PLS1: variants seen among roughly 807,000 people sequenced by gnomAD.
The protein encoded by PLS1 is plastin-1.
In PLS1, 32 loss-of-function variants were observed where a neutral mutation model predicts 73.7. The observed-to-expected ratio is 0.43, with a 90% CI of 0.33 to 0.58. The LOEUF is 0.58. PLS1 is among the 20% of genes least tolerant of loss of function. The probability of loss-of-function intolerance (pLI) is 0.04; values close to 1 mark genes in which losing one functional copy is unlikely to be tolerated. For missense variants in PLS1, 633 were observed against 740.5 expected, an observed-to-expected ratio of 0.85 and a Z score of 1.68; for synonymous variants, 217 against 261.3, an observed-to-expected ratio of 0.83 and a Z score of 1.63.
In PLS1 at chr3:142,675,446, G is replaced by C. The variant is rs868362901; in HGVS notation, c.365-711G>C. On this transcript the variant is annotated intron_variant, in intron 4 of 15. Transcript: ENST00000457734. ...TCACCAGGCTGGAGTGCAGTGGCGC[G>C]ATCTCGGTTCACTGCAAGCTCTGCC... Among the ~76,000 whole-genome samples, 77 of 151,996 alleles carry C rather than the reference G, an allele frequency of 5.1e-4. 1 individual carries two copies. Among genetic ancestry groups the C allele is most frequent in the Admixed American group, 2.1e-3 (32 of 15,268 alleles).
chr3:142,620,711 A>G (rs566076820), intron 1 of PLS1, among the ~76,000 whole-genome samples: 39 of 152,298 alleles, frequency 2.6e-4, no homozygotes, highest in South Asian at 1.0e-3. Context: ...TCAAATATTC[A>G]TAGGCTGTTA....
At chr3:142,600,903 TATATATATATATA>T (rs1462397413) in intron 1 of PLS1, among the ~76,000 whole-genome samples, 26 of 32,570 alleles carry the variant, frequency 8.0e-4, no homozygotes, top group Admixed American at 1.6e-3. Context: ...TATATATATA[TATATATATATATA>T]TTTTTTTTTT....
rs1933217993 is a variant in PLS1, at chr3:142,713,292, C to G, written c.*1285C>G. 1 of 152,554 alleles carries G rather than the reference C, an allele frequency of 6.6e-6. No individual in the cohort carries two copies. Among genetic ancestry groups the G allele is most frequent in the Non-Finnish European group, 1.5e-5 (1 of 67,996 alleles). 9.5% of individuals were successfully genotyped at this position (152,554 alleles called of 1,614,324 possible). A position where few individuals can be genotyped will look rare whatever the true frequency, so the allele number is the denominator to read the frequency against. ...GCCAGTGAGCAATACTGTTGTGCAACAAAAATGTCACTTTATCTCAGTGTG... is the reference window on the plus strand; with the variant it reads ...GCCAGTGAGCAATACTGTTGTGCAAGAAAAATGTCACTTTATCTCAGTGTG... On this transcript the variant is annotated 3_prime_UTR_variant, in exon 16 of 16. Coordinates refer to ENST00000457734, the MANE Select transcript of PLS1 (RefSeq NM_001145319.2).
At chr3:142,631,594 G>A (rs112736788) in intron 1 of PLS1, among the ~76,000 whole-genome samples, 2,101 of 145,630 alleles carry the variant, frequency 0.014, 56 homozygotes, top group African/African-American at 0.049. Flanking sequence ...CTGGGAGGTC[G>A]AGGGTGCAGT....
chr3:142,632,147 C>T (rs151144172), intron 1 of PLS1, among the ~76,000 whole-genome samples: 2 of 152,236 alleles, frequency 1.3e-5, no homozygotes, highest in Non-Finnish European at 2.9e-5. Flanking sequence ...CCTTGACTTA[C>T]AGTGGTTCGA....
At chr3:142,698,151 T>G in intron 12 of PLS1, 84 bp downstream of exon 12, 2 of 781,452 alleles carry the variant, frequency 2.6e-6, no homozygotes, top group Non-Finnish European at 4.3e-6. Context: ...TTATACGTGC[T>G]CTGTCCCCAC....
Position 142,664,798 on chromosome 3 carries a change from C to T in PLS1, c.70+491C>T, listed in dbSNP as rs2037442904. Among the ~76,000 whole-genome samples, 4 of 152,084 alleles carry T rather than the reference C, an allele frequency of 2.6e-5. No homozygotes were observed. In the South Asian group the frequency reaches 8.3e-4, roughly 32 times the overall value. On this transcript the variant is annotated intron_variant, in intron 2 of 15. Coordinates refer to ENST00000457734, the MANE Select transcript of PLS1 (RefSeq NM_001145319.2). The stretch of plus-strand genomic sequence containing the variant: ...AGTATTGTTTTTAAAGGCCGTATGC[C>T]TTATTTTTCTTCTTTCACTTTTTAT...
intron 3 of PLS1, 96 bp from the exon 4 acceptor site, chr3:142,670,897 T>G: frequency 1.3e-6 from 1 of 771,448 alleles, no homozygotes; most frequent in South Asian, 1.8e-5. Flanking sequence ...GTATTTAATT[T>G]GGTGTCATTT....
At chr3:142,653,457 C>T (rs2037147407) in intron 1 of PLS1, among the ~76,000 whole-genome samples, 1 of 151,216 alleles carries the variant, frequency 6.6e-6, no homozygotes, top group Admixed American at 6.6e-5. Context: ...ACCTCCCGTG[C>T]TCAAGCGATC....
intron 14 of PLS1, among the ~76,000 whole-genome samples, chr3:142,708,901 ATTCT>A (rs1459120272): frequency 6.6e-6 from 1 of 152,194 alleles, no homozygotes; most frequent in African/African-American, 2.4e-5. Context: ...AGAAACTTAA[ATTCT>A]TCATTAAACT....
At chr3:142,678,723 C>T (rs977207873) in intron 6 of PLS1, among the ~76,000 whole-genome samples, 5 of 151,682 alleles carry the variant, frequency 3.3e-5, no homozygotes, top group African/African-American at 1.2e-4. Context: ...AATACTGCTG[C>T]AATAAACATA....
intron 1 of PLS1, among the ~76,000 whole-genome samples, chr3:142,600,889 TATATATATATATATATATATATATA>T (rs1560024307): frequency 5.0e-5 from 1 of 20,152 alleles, no homozygotes; most frequent in Non-Finnish European, 8.5e-5. Context: ...TATATATATA[TATATATATATATATATATATATATA>T]TATTTTTTTT....
At chr3:142,702,799 A>G (rs2038357720) in intron 12 of PLS1, among the ~76,000 whole-genome samples, 1 of 152,182 alleles carries the variant, frequency 6.6e-6, no homozygotes, top group South Asian at 2.1e-4. Context: ...TGGGGAGGGT[A>G]AACAATTTAT....
At position 142,684,063 on chromosome 3, in the gene PLS1, A is replaced by G; in HGVS notation, c.637A>G (p.Ile213Val). Residue 213 changes from isoleucine (I) to valine (V), a missense_variant, in exon 7 of 16, where the codon ATT becomes GTT. Physicochemically the swap from Ile to Val is conservative, Grantham distance 29. Transcript: ENST00000457734. ...ASAIGCTVVN[I>V]GASDLKEGKP... The stretch of plus-strand genomic sequence containing the variant: ...AGCCATTGGTTGTACAGTGGTCAAC[A>G]TTGGTGCATCAGATCTCAAAGAAGG... 5 of 1,613,880 alleles carry G rather than the reference A, an allele frequency of 3.1e-6. No individual in the cohort carries two copies. In the South Asian group the frequency reaches 4.4e-5, roughly 14 times the overall value.
At position 142,689,793 on chromosome 3, in the gene PLS1, TC is replaced by T. The variant is rs745415502; in HGVS notation, c.1158del (p.Ile386MetfsTer3). ...CTGCACAAGCCGAATAATAATGACA[TC>T]GATATGAATTTACTGGAAGGTGCGT... Reference protein sequence around the residue: ...PCLHKPNNNDIDMNLLEGESK... With the variant: ...PCLHKPNNNDXDMNLLEGESK... On this transcript the variant is annotated frameshift_variant, in exon 10 of 16. Coordinates refer to ENST00000457734, the MANE Select transcript of PLS1 (RefSeq NM_001145319.2). LOFTEE classifies it high-confidence loss of function. The T allele has an allele frequency of 1.3e-6, 2 of 1,587,988 alleles. No individual in the cohort carries two copies.
rs568533928 is a variant in PLS1, at chr3:142,629,605, C to T, written c.-37+33096C>T. 3.3e-5 allele frequency among the ~76,000 whole-genome samples: 5 copies of T among 152,218 alleles called. No homozygotes were observed. In the East Asian group the frequency reaches 5.8e-4, roughly 18 times the overall value. On this transcript the variant is annotated intron_variant, in intron 1 of 15. Coordinates refer to ENST00000457734, the MANE Select transcript of PLS1 (RefSeq NM_001145319.2). ...AACTGGAGACCTGGGAAAGAACTGT[C>T]GGGAAGGATTAGAAGGAATAGTGCT... is the stretch of plus-strand genomic sequence containing the variant.
chr3:142,658,003 G>A (rs952426164), intron 1 of PLS1, among the ~76,000 whole-genome samples: 1 of 150,808 alleles, frequency 6.6e-6, no homozygotes, highest in African/African-American at 2.4e-5. Flanking sequence ...TTAGTGGCTT[G>A]TGGCTTTGGA....
At chr3:142,687,863 T>TTTC (rs1252089202) in intron 9 of PLS1, among the ~76,000 whole-genome samples, 19 of 152,158 alleles carry the variant, frequency 1.2e-4, no homozygotes, top group Admixed American at 7.2e-4. Flanking sequence ...AATGTTGACA[T>TTTC]TTCCACTTGC....
intron 12 of PLS1, among the ~76,000 whole-genome samples, chr3:142,703,496 A>G (rs529309179): frequency 6.6e-6 from 1 of 152,134 alleles, no homozygotes; most frequent in East Asian, 1.9e-4. Context: ...AGGTTTCACC[A>G]TGTTGGCCAG....
Sources: gnomAD v4.1 joint callset for allele counts (sites outside exome capture counted in the v4.1 genomes callset) on GRCh38, gnomAD v4.1.1 for gene constraint, MANE v1.5 for transcripts, NCBI Gene and HGNC (gene_info 2026-07-23, HGNC 2026-07-21) for gene names.